The following ZIC2 variants were observed in gnomAD, a reference collection of about 807,000 sequenced individuals.
ZIC2 encodes the protein Zic family zinc finger 2.
A neutral mutation model predicts 29.5 loss-of-function variants in ZIC2; 7 were observed. The ratio of observed to expected loss-of-function variants is 0.24; its 90% CI spans 0.14 to 0.45. ZIC2 has a LOEUF of 0.45. Among genes scored for constraint, ZIC2 ranks in the 20% least tolerant of loss-of-function variants. The pLI is 1.00. For synonymous variants in ZIC2, 408 were observed against 354.2 expected, an observed-to-expected ratio of 1.15 and a Z score of -1.70; for missense variants, 589 against 781.2, an observed-to-expected ratio of 0.75 and a Z score of 2.93.
Position 99,982,333 on chromosome 13 carries a change from C to A in ZIC2, c.269C>A (p.Ala90Glu), listed in dbSNP as rs1217953130. Residue 90 changes from alanine (A) to glutamate (E), a missense_variant, in exon 1 of 3, where the codon GCG becomes GAG. Coordinates refer to ENST00000376335, the MANE Select transcript of ZIC2 (RefSeq NM_007129.5). Reference protein sequence around the residue: ...QGPGAYPGSAAAAAAAAALGP... With the variant: ...QGPGAYPGSAEAAAAAAALGP... ...CCCGGCGCCTACCCCGGCTCCGCTG[C>A]GGCTGCCGCTGCGGCCGCAGCGCTC... The A allele has an allele frequency of 2.0e-6, 3 of 1,464,782 alleles. No homozygotes were observed. The highest frequency in any genetic ancestry group is 2.7e-5 in the Admixed American group (1 of 36,980). 90.7% of individuals were successfully genotyped at this position (1,464,782 alleles called of 1,614,324 possible). A position where few individuals can be genotyped will look rare whatever the true frequency, so the allele number is the denominator to read the frequency against.
Position 99,985,244 on chromosome 13 carries a change from C to T in ZIC2, c.1240-79C>T. The T allele has an allele frequency of 6.2e-7, 1 of 1,602,570 alleles. No individual in the cohort carries two copies. The highest frequency in any genetic ancestry group is 8.5e-7 in the Non-Finnish European group (1 of 1,177,634). ...GGGGGAACATTTCTGGGGGTGCTCT[C>T]CCCCAGGGGCCCGGCCCCACAGCAG... On this transcript the variant is annotated intron_variant, in intron 2 of 2. Coordinates refer to ENST00000376335, the MANE Select transcript of ZIC2 (RefSeq NM_007129.5). This position sits in a 1 kb window ranked among gnomAD's most constrained non-coding sequence, Gnocchi z 6.3.
At position 99,986,300 on chromosome 13, in the gene ZIC2, A is replaced by C. The variant is rs1386449586; in HGVS notation, c.*618A>C. ...CTGATTGTAAACTTCATGTAACTATAGACTGGAAAAAATGAGCCGTGCCAA... is the reference window on the plus strand; with the variant it reads ...CTGATTGTAAACTTCATGTAACTATCGACTGGAAAAAATGAGCCGTGCCAA... On this transcript the variant is annotated 3_prime_UTR_variant, in exon 3 of 3. Transcript: ENST00000376335. The C allele has an allele frequency of 3.5e-6, 1 of 283,708 alleles. No homozygotes were observed. Among genetic ancestry groups the C allele is most frequent in the African/African-American group, 2.2e-5 (1 of 45,218 alleles). The allele number at this position is 283,708 out of a possible 1,614,324, so 17.6% of individuals were successfully genotyped here. A position where few individuals can be genotyped will look rare whatever the true frequency, so the allele number is the denominator to read the frequency against.
rs1304992947 is a variant in ZIC2, at chr13:99,985,484, G to A, written c.1401G>A (p.Ala467=). The A allele has an allele frequency of 3.2e-6, 4 of 1,260,006 alleles. No individual in the cohort carries two copies. The East Asian group carries it at 1.0e-4, about 33-fold the overall frequency. The allele number at this position is 1,260,006 out of a possible 1,614,324, so 78.1% of individuals were successfully genotyped here. A position where few individuals can be genotyped will look rare whatever the true frequency, so the allele number is the denominator to read the frequency against. The change falls in exon 3 of 3, where the codon GCG becomes GCA. Residue 467 remains alanine, a synonymous_variant. Coordinates refer to ENST00000376335, the MANE Select transcript of ZIC2 (RefSeq NM_007129.5). The surrounding 1 kb of genome is among the most constrained non-coding windows in gnomAD (Gnocchi z 6.3). ...AAAAAAAAAA[A]AAAVSAVHRG... ...CAGCGGCGGCGGCGGCTGCGGCGGC[G>A]GCGGCCGCGGTGTCCGCGGTGCACC...
Position 99,982,093 on chromosome 13 carries a change from C to A in ZIC2, c.29C>A (p.Pro10Gln), listed in dbSNP as rs2053236261. 2 of 1,266,270 alleles carry A rather than the reference C, an allele frequency of 1.6e-6. No homozygotes were observed. Among genetic ancestry groups the A allele is most frequent in the East Asian group, 6.4e-5 (2 of 31,374 alleles). The allele number at this position is 1,266,270 out of a possible 1,614,324, so 78.4% of individuals were successfully genotyped here. A position where few individuals can be genotyped will look rare whatever the true frequency, so the allele number is the denominator to read the frequency against. The change falls in exon 1 of 3, where the codon CCG becomes CAG. Residue 10 changes from proline (P) to glutamine (Q), a missense_variant. Pro to Gln is a moderately conservative substitution (Grantham distance 76). This residue lies in a region of ZIC2 where 358 missense variants were observed against 382.0 expected (regional missense o/e 0.94). Coordinates refer to ENST00000376335, the MANE Select transcript of ZIC2 (RefSeq NM_007129.5). MLLDAGPQFPAIGVGSFARH... is the reference protein window; with the variant it reads MLLDAGPQFQAIGVGSFARH... Reference sequence around the variant, plus strand: ...CTCCTGGACGCGGGTCCGCAGTTCCCGGCCATCGGGGTGGGCAGCTTCGCG... The same window carrying A: ...CTCCTGGACGCGGGTCCGCAGTTCCAGGCCATCGGGGTGGGCAGCTTCGCG...
chr13:99,983,896 C>T lies in ZIC2; in HGVS notation c.1075+757C>T, dbSNP rs960502188. Among the ~76,000 whole-genome samples, 5 of 152,192 alleles carry T rather than the reference C, an allele frequency of 3.3e-5. No homozygotes were observed. Among genetic ancestry groups the T allele is most frequent in the African/African-American group, 1.2e-4 (5 of 41,442 alleles). ...GCCTCCCGCCTCATAGATTATTCAT[C>T]TATGACCAGGTCTCAGCCAAAATCG... On this transcript the variant is annotated intron_variant, in intron 1 of 2. Transcript: ENST00000376335. This position sits in a 1 kb window ranked among gnomAD's most constrained non-coding sequence, Gnocchi z 4.7.
rs2053235100 is a variant in ZIC2 at position 99,981,959 on chromosome 13, C to T, written c.-106C>T. On this transcript the variant is annotated 5_prime_UTR_variant, in exon 1 of 3. Transcript: ENST00000376335. ...CTGAAGTGGCCGCCACCACCGCCGC[C>T]TGCGCCTGGAGCCCGGTGGCCGCCG... 2 of 1,179,610 alleles carry T rather than the reference C, an allele frequency of 1.7e-6. No homozygotes were observed. Among genetic ancestry groups the T allele is most frequent in the Non-Finnish European group, 2.1e-6 (2 of 956,308 alleles). 73.1% of individuals were successfully genotyped at this position (1,179,610 alleles called of 1,614,324 possible).
chr13:99,986,348 C>T lies in ZIC2; in HGVS notation c.*666C>T. 3.8e-6 allele frequency: 1 copy of T among 263,650 alleles called. No individual in the cohort carries two copies. The highest frequency in any genetic ancestry group is 4.1e-5 in the South Asian group (1 of 24,312). 16.3% of individuals were successfully genotyped at this position (263,650 alleles called of 1,614,324 possible). ...CAAAGTCTCCCTTCTGTTTCTTCAGCACATTGACCCATAGCACACACATAC... is the reference window on the plus strand; with the variant it reads ...CAAAGTCTCCCTTCTGTTTCTTCAGTACATTGACCCATAGCACACACATAC... On this transcript the variant is annotated 3_prime_UTR_variant, in exon 3 of 3. Coordinates refer to ENST00000376335, the MANE Select transcript of ZIC2 (RefSeq NM_007129.5).
chr13:99,981,893 CGGCGGCGGA>C lies in ZIC2; in HGVS notation c.-163_-155del. 1 of 1,211,524 alleles carries C rather than the reference CGGCGGCGGA, an allele frequency of 8.3e-7. No individual in the cohort carries two copies. The allele number at this position is 1,211,524 out of a possible 1,614,324, so 75.0% of individuals were successfully genotyped here. ...CCCGGCCGCCCGAGGCAGATCCAGG[CGGCGGCGGA>C]GGCGGCGGGCGCAGGAGAGCGGCTC... is the stretch of plus-strand genomic sequence containing the variant. On this transcript the variant is annotated 5_prime_UTR_variant, in exon 1 of 3. Transcript: ENST00000376335.
At position 99,981,914 on chromosome 13, in the gene ZIC2, C is replaced by G. The variant is rs2053234756; in HGVS notation, c.-151C>G. The G allele has an allele frequency of 5.7e-6, 7 of 1,234,698 alleles. No individual in the cohort carries two copies. The highest frequency in any genetic ancestry group is 6.1e-6 in the Non-Finnish European group (6 of 980,294). The allele number at this position is 1,234,698 out of a possible 1,614,324, so 76.5% of individuals were successfully genotyped here. A position where few individuals can be genotyped will look rare whatever the true frequency, so the allele number is the denominator to read the frequency against. ...CAGGCGGCGGCGGAGGCGGCGGGCG[C>G]AGGAGAGCGGCTCCCAGGGCTGAAG... On this transcript the variant is annotated 5_prime_UTR_variant, in exon 1 of 3. Transcript: ENST00000376335.
At position 99,982,355 on chromosome 13, in the gene ZIC2, G is replaced by A. The variant is rs1478395009; in HGVS notation, c.291G>A (p.Ala97=). The part of the protein sequence containing the change: ...GSAAAAAAAA[A]LGPHAAHVGS... ...CTGCGGCTGCCGCTGCGGCCGCAGC[G>A]CTCGGGCCCCACGCCGCGCACGTTG... The change falls in exon 1 of 3, where the codon GCG becomes GCA. Residue 97 remains alanine, a synonymous_variant. Transcript: ENST00000376335. 6.8e-6 allele frequency: 10 copies of A among 1,471,036 alleles called. No homozygotes were observed. In the South Asian group the frequency reaches 1.2e-4, roughly 18 times the overall value. 91.1% of individuals were successfully genotyped at this position (1,471,036 alleles called of 1,614,324 possible).
Sources: gnomAD v4.1 joint callset for allele counts (sites outside exome capture counted in the v4.1 genomes callset) on GRCh38, gnomAD v4.1.1 for gene constraint, gnomAD v4.1.1 regional missense constraint, Gnocchi (gnomAD v3.1) non-coding constraint, MANE v1.5 for transcripts, NCBI Gene and HGNC (gene_info 2026-07-23, HGNC 2026-07-21) for gene names.